Variants in MYH1 observed in about 807,000 individuals in gnomAD.
MYH1 encodes the protein myosin-1.
MYH1 carries 214 observed loss-of-function variants against 225.6 expected under a neutral mutation model. The ratio of observed to expected loss-of-function variants is 0.95; its 90% confidence interval spans 0.85 to 1.06. The LOEUF (loss-of-function observed/expected upper bound fraction) is 1.06, where lower values mean the gene tolerates loss of function less well. MYH1 is among the 50% of genes least tolerant of loss of function. The pLI is 0.00. For synonymous variants in MYH1, 774 were observed against 842.3 expected, an observed-to-expected ratio of 0.92 and a Z score of 1.40; for missense variants, 2,098 against 2,344.2, an observed-to-expected ratio of 0.89 and a Z score of 2.17.
At position 10,500,636 on chromosome 17, in the gene MYH1, T is replaced by C. The variant is rs2142261714; in HGVS notation, c.3855A>G (p.Gln1285=). 2 of 1,613,434 alleles carry C rather than the reference T, an allele frequency of 1.2e-6. No individual in the cohort carries two copies. Among genetic ancestry groups the C allele is most frequent in the Admixed American group, 1.7e-5 (1 of 60,012 alleles). Residue 1285 remains glutamine, a synonymous_variant, in exon 28 of 40, where the codon CAA becomes CAG. Coordinates refer to ENST00000226207, the MANE Select transcript of MYH1 (RefSeq NM_005963.4). ...TGGTACATGGCCCACCTGATTCTGT[T>C]TGCAGGCGCGCTCTCTGTGCTGTGA... The part of the protein sequence containing the change: ...NDLTAQRARL[Q]TESGEYSRQL...
chr17:10,514,394 C>A (rs2073205025), intron 6 of MYH1, among the ~76,000 whole-genome samples: 1 of 152,334 alleles, frequency 6.6e-6, no homozygotes, highest in Non-Finnish European at 1.5e-5. Context: ...TGAAAAGCAG[C>A]TACTCAGCAC....
In MYH1 at chr17:10,505,491, C is replaced by T. The variant is rs1301973657; in HGVS notation, c.2195G>A (p.Ser732Asn). 6.2e-7 allele frequency: 1 copy of T among 1,614,076 alleles called. No individual in the cohort carries two copies. The highest frequency in any genetic ancestry group is 1.3e-5 in the African/African-American group (1 of 74,936). The change falls in exon 20 of 40, where the codon AGT becomes AAT. Residue 732 changes from serine (S) to asparagine (N), a missense_variant. Ser to Asn is a conservative substitution (Grantham distance 46). Transcript: ENST00000226207. ...GATGAATTGTCCTTCAGGGATAGCA[C>T]TTGCATTTAACACCTTGTATCTGTT... Reference protein sequence around the residue: ...FKQRYKVLNASAIPEGQFIDS... With the variant: ...FKQRYKVLNANAIPEGQFIDS...
At chr17:10,513,207 T>A (rs1489478530) in intron 9 of MYH1, among the ~76,000 whole-genome samples, 1 of 152,174 alleles carries the variant, frequency 6.6e-6, no homozygotes, top group Non-Finnish European at 1.5e-5. Context: ...TCCTTGACAT[T>A]TGGAATATAA....
chr17:10,514,967 GC>G, intron 5 of MYH1, 72 bp from the exon 6 acceptor site: 1 of 1,342,598 alleles, frequency 7.4e-7, no homozygotes, highest in South Asian at 1.2e-5. Context: ...GTGAAACAGG[GC>G]ATTTGAGTAT....
At chr17:10,508,107 C>T in intron 16 of MYH1, 151 bp from the exon 17 acceptor site, 1 of 727,078 alleles carries the variant, frequency 1.4e-6, no homozygotes, top group Non-Finnish European at 2.3e-6. Context: ...CAACCTCCAC[C>T]TCCTGGGTTC....
At position 10,498,715 on chromosome 17, in the gene MYH1, T is replaced by C; in HGVS notation, c.4092A>G (p.Ala1364=). The change falls in exon 30 of 40, where the codon GCA becomes GCG. Residue 1364 remains alanine (A), a synonymous_variant. Coordinates refer to ENST00000226207, the MANE Select transcript of MYH1 (RefSeq NM_005963.4). ...CAACCTCACTGTTGGCCTTGGACAT[T>C]GCTCTCTGTAGCTCGGCCTTGGCTT... ...EQEAKAELQR[A]MSKANSEVAQ... is the part of the protein sequence containing the mutation. The C allele has an allele frequency of 3.1e-6, 5 of 1,614,084 alleles. No homozygotes were observed. Among genetic ancestry groups the C allele is most frequent in the Non-Finnish European group, 4.2e-6 (5 of 1,179,922 alleles).
Position 10,492,505 on chromosome 17 carries a change from C to T in MYH1, c.5731G>A (p.Glu1911Lys), listed in dbSNP as rs375954606. The T allele has an allele frequency of 5.8e-5, 93 of 1,614,038 alleles. 1 individual carries two copies. The highest frequency in any genetic ancestry group is 1.2e-4 in the South Asian group (11 of 91,068). The change falls in exon 40 of 40, where the codon GAG becomes AAG. Residue 1911 changes from glutamate (E) to lysine (K), a missense_variant. Coordinates refer to ENST00000226207, the MANE Select transcript of MYH1 (RefSeq NM_005963.4). Reference protein sequence around the residue: ...RRIQHELEEAEERADIAESQV... With the variant: ...RRIQHELEEAKERADIAESQV... ...GACTCAGCAATGTCAGCCCGTTCCT[C>T]GGCCTCCTCCAGCTCGTGCTGGATC...
chr17:10,505,204 C>A lies in MYH1; in HGVS notation c.2394G>T (p.Gly798=). 1 of 1,614,222 alleles carries A rather than the reference C, an allele frequency of 6.2e-7. No individual in the cohort carries two copies. Among genetic ancestry groups the A allele is most frequent in the Non-Finnish European group, 8.5e-7 (1 of 1,180,040 alleles). Residue 798 remains glycine, a synonymous_variant, in exon 21 of 40, where the codon GGG becomes GGT. Transcript: ENST00000226207. ...LITRTQAMCR[G]FLARVEYQKM... ...TCTGGTACTCCACTCTTGCCAAGAA[C>A]CCTCTGCACATGGCCTGGGTTCGGG...
In MYH1 at chr17:10,516,007, C is replaced by T; in HGVS notation, c.424G>A (p.Ala142Thr). ...LPVYNAEVVT[A>T]YRGKKRQEAP... ...TCCTGGCGCTTTTTGCCTCGGTAGG[C>T]TGTCACCACCTCTGCATTATACACT... The change falls in exon 5 of 40, where the codon GCC becomes ACC. Residue 142 changes from alanine (A) to threonine (T), a missense_variant. Ala to Thr is a moderately conservative substitution (Grantham distance 58). Coordinates refer to ENST00000226207, the MANE Select transcript of MYH1 (RefSeq NM_005963.4). 1.2e-6 allele frequency: 2 copies of T among 1,614,174 alleles called. No individual in the cohort carries two copies. Among genetic ancestry groups the T allele is most frequent in the Non-Finnish European group, 1.7e-6 (2 of 1,180,032 alleles).
chr17:10,503,005 C>T lies in MYH1; in HGVS notation c.2934+1G>A, dbSNP rs1439077955. The stretch of plus-strand genomic sequence containing the variant: ...ACAGTACTGTAGAATATGATTGATA[C>T]CTTGTTTTCTGTGGCATGTTTCTCC... On this transcript the variant is annotated splice_donor_variant, in intron 23 of 39. Coordinates refer to ENST00000226207, the MANE Select transcript of MYH1 (RefSeq NM_005963.4). LOFTEE classifies it high-confidence loss of function. 6 of 1,613,938 alleles carry T rather than the reference C, an allele frequency of 3.7e-6. No individual in the cohort carries two copies. The South Asian group carries it at 5.5e-5, about 15-fold the overall frequency.
intron 6 of MYH1, 75 bp downstream of exon 6, chr17:10,514,793 C>T: frequency 7.3e-7 from 1 of 1,362,364 alleles, no homozygotes; most frequent in Admixed American, 1.7e-5. Flanking sequence ...AGAACATTAA[C>T]TAATTTCTTT....
At chr17:10,495,504 G>A (rs923081984) in intron 35 of MYH1, among the ~76,000 whole-genome samples, 187 bp from the exon 36 acceptor site, 1 of 152,090 alleles carries the variant, frequency 6.6e-6, no homozygotes, top group African/African-American at 2.4e-5. Context: ...GCTCATGCTT[G>A]TAATCCCAGC....
chr17:10,494,753 C>G (rs1463911695), intron 37 of MYH1, 80 bp from the exon 38 acceptor site: 43 of 1,594,398 alleles, frequency 2.7e-5, no homozygotes, highest in Non-Finnish European at 3.6e-5. Context: ...TTCTTCTACT[C>G]TGCTTTATAT....
chr17:10,497,242 T>A, intron 32 of MYH1, 45 bp downstream of exon 32: 1 of 1,591,456 alleles, frequency 6.3e-7, no homozygotes, highest in Non-Finnish European at 8.5e-7. Context: ...TGGAAAAGAT[T>A]CTTTCAAATC....
Position 10,492,566 on chromosome 17 carries a change from C to A in MYH1, c.5670G>T (p.Glu1890Asp). 1 of 1,609,274 alleles carries A rather than the reference C, an allele frequency of 6.2e-7. No homozygotes were observed. The highest frequency in any genetic ancestry group is 8.5e-7 in the Non-Finnish European group (1 of 1,178,314). ...TGGAGAGGTTGACGTTGGATTGTTC[C>A]TCCTGTGAATGGAAATCCATTTATG... is the stretch of plus-strand genomic sequence containing the variant. ...KSYKRQAEEAEEQSNVNLSKF... is the reference protein window; with the variant it reads ...KSYKRQAEEADEQSNVNLSKF... The change falls in exon 40 of 40, where the codon GAG (glutamate) becomes GAT (aspartate). Residue 1890 changes from glutamate to aspartate, a missense_variant and splice_region_variant. By Grantham distance (45) the Glu-to-Asp change is conservative. Transcript: ENST00000226207.
chr17:10,511,106 T>C (rs2073166591), intron 14 of MYH1, among the ~76,000 whole-genome samples: 1 of 151,892 alleles, frequency 6.6e-6, no homozygotes, highest in Non-Finnish European at 1.5e-5. Flanking sequence ...TGCTTCCGTT[T>C]CTAAAATTTC....
In MYH1 at chr17:10,495,044, G is replaced by C. The variant is rs139004562; in HGVS notation, c.5353C>G (p.Arg1785Gly). The C allele has an allele frequency of 6.2e-7, 1 of 1,614,030 alleles. No individual in the cohort carries two copies. The highest frequency in any genetic ancestry group is 8.5e-7 in the Non-Finnish European group (1 of 1,180,044). The change falls in exon 37 of 40, where the codon CGG becomes GGG. Residue 1785 changes from arginine (R) to glycine (G), a missense_variant. By Grantham distance (125) the Arg-to-Gly change is moderately radical. Transcript: ENST00000226207. ...KEQDTSAHLE[R>G]MKKNLEQTVK... is the part of the protein sequence containing the mutation. ...GTCTGTTCCAGGTTCTTCTTCATCC[G>C]CTCCAGATGGGCGCTGGTGTCCTGT...
intron 28 of MYH1, 123 bp from the exon 29 acceptor site, chr17:10,499,215 C>T (rs1011370462): frequency 2.3e-5 from 18 of 772,590 alleles, no homozygotes; most frequent in Middle Eastern, 2.5e-4. Flanking sequence ...TGACAACAAA[C>T]CACCAACATC....
Position 10,513,549 on chromosome 17 carries a change from C to T in MYH1, c.805+77G>A, listed in dbSNP as rs183137431. ...ACTGGTGCTTTACAAGCTCCATGTT[C>T]AGCAGGAGCTGCAAAGTGTTCCTCC... On this transcript the variant is annotated intron_variant, in intron 9 of 39. Coordinates refer to ENST00000226207, the MANE Select transcript of MYH1 (RefSeq NM_005963.4). The T allele has an allele frequency of 2.4e-4, 330 of 1,376,054 alleles. 1 individual carries two copies. In the African/African-American group the frequency reaches 4.4e-3, roughly 18 times the overall value. The allele number at this position is 1,376,054 out of a possible 1,614,324, so 85.2% of individuals were successfully genotyped here.
Sources: allele counts gnomAD v4.1 joint callset (sites outside exome capture counted in the v4.1 genomes callset), GRCh38; gene constraint gnomAD v4.1.1; transcripts MANE v1.5; gene names NCBI Gene and HGNC (gene_info 2026-07-23, HGNC 2026-07-21).